The following SLC26A7 variants were observed in gnomAD, a reference collection of about 807,000 sequenced individuals.
The protein encoded by SLC26A7 is anion exchange transporter.
SLC26A7 carries 59 observed loss-of-function variants against 82.5 expected under a neutral mutation model. That is an observed-to-expected ratio of 0.72 (90% CI 0.58 to 0.89). SLC26A7 has a LOEUF of 0.89. Among genes scored for constraint, SLC26A7 ranks in the 40% least tolerant of loss-of-function variants. The pLI, the probability that SLC26A7 is intolerant of heterozygous loss-of-function variation, is 0.00. For synonymous variants in SLC26A7, 271 were observed against 274.3 expected (o/e 0.99, Z 0.12); for missense variants, 820 against 793.0 (o/e 1.03, Z -0.41).
Position 91,219,626 on chromosome 8 carries a change from T to C in SLC26A7, c.-34+621T>C, listed in dbSNP as rs372834769. ...TAAGGACAACAGAAAAGTAGAAAAA[T>C]AAGTTATGAAAATATGTGGTGTGCT... On this transcript the variant is annotated intron_variant, in intron 2 of 5. Transcript: ENST00000522862. Among the ~76,000 whole-genome samples the C allele has an allele frequency of 8.5e-5, 13 of 152,068 alleles. No individual in the cohort carries two copies. In the East Asian group the frequency reaches 2.5e-3, roughly 29 times the overall value.
chr8:91,250,656 T>G (rs540164725), intron 2 of SLC26A7, among the ~76,000 whole-genome samples: 197 of 152,262 alleles, frequency 1.3e-3, no homozygotes, highest in African/African-American at 4.7e-3. Context: ...TAGAGCAGTT[T>G]CCTTGGCATA....
chr8:91,380,674 G>A (rs746697723), intron 15 of SLC26A7, among the ~76,000 whole-genome samples: 5 of 152,096 alleles, frequency 3.3e-5, no homozygotes, highest in Non-Finnish European at 5.9e-5. Context: ...GGAGCATTTC[G>A]GATTTTGCAT....
intron 4 of SLC26A7, among the ~76,000 whole-genome samples, chr8:91,297,937 G>A (rs1159932444): frequency 6.6e-6 from 1 of 152,100 alleles, no homozygotes; most frequent in African/African-American, 2.4e-5. Flanking sequence ...TAATAAGATT[G>A]TATTGTTAAA....
At chr8:91,381,766 C>T (rs1484684133) in intron 15 of SLC26A7, among the ~76,000 whole-genome samples, 1 of 152,110 alleles carries the variant, frequency 6.6e-6, no homozygotes, top group Non-Finnish European at 1.5e-5. Context: ...CTCTCTTGTT[C>T]AAGTAACGCC....
chr8:91,381,990 A>G (rs936702277), intron 15 of SLC26A7, among the ~76,000 whole-genome samples: 10 of 152,084 alleles, frequency 6.6e-5, no homozygotes, highest in African/African-American at 2.4e-4. Flanking sequence ...GCTTTGTTGT[A>G]TTCTATAGAT....
At chr8:91,297,252 AT>A (rs1343568298) in intron 4 of SLC26A7, among the ~76,000 whole-genome samples, 2 of 152,072 alleles carry the variant, frequency 1.3e-5, no homozygotes, top group East Asian at 1.9e-4. Flanking sequence ...AAGAGTATAC[AT>A]AATTAGCGGT....
At chr8:91,365,528 G>C (rs62528970) in intron 13 of SLC26A7, among the ~76,000 whole-genome samples, 46,027 of 151,926 alleles carry the variant, frequency 0.3, 8,706 homozygotes, top group East Asian at 0.41. Context: ...GTTTCTAAGA[G>C]GTTTACTCTT....
At position 91,240,026 on chromosome 8, in the gene SLC26A7, T is replaced by C. The variant is rs576882187; in HGVS notation, c.-33-9593T>C. 3.9e-4 allele frequency among the ~76,000 whole-genome samples: 59 copies of C among 152,258 alleles called. 1 individual carries two copies. The highest frequency in any genetic ancestry group is 1.3e-3 in the African/African-American group (52 of 41,548). ...CTAACAACTAACATCTATCAGCACC[T>C]CTCCTGTGTGCCAAGCATTGTCCTT... On this transcript the variant is annotated intron_variant, in intron 2 of 5. Transcript: ENST00000522862.
At chr8:91,355,146 G>C (rs1813827016) in intron 11 of SLC26A7, among the ~76,000 whole-genome samples, 1 of 152,012 alleles carries the variant, frequency 6.6e-6, no homozygotes, top group South Asian at 2.1e-4. Context: ...GAAATCACAG[G>C]TCAACGTAAT....
rs973934791 is a variant in SLC26A7, at chr8:91,395,967, G to A, written c.*870G>A. 4 of 152,014 alleles carry A rather than the reference G, an allele frequency of 2.6e-5. No individual in the cohort carries two copies. Among genetic ancestry groups the A allele is most frequent in the African/African-American group, 9.7e-5 (4 of 41,410 alleles). 9.4% of individuals were successfully genotyped at this position (152,014 alleles called of 1,614,324 possible). On this transcript the variant is annotated 3_prime_UTR_variant, in exon 19 of 19. Coordinates refer to ENST00000276609, the MANE Select transcript of SLC26A7 (RefSeq NM_052832.4). The stretch of plus-strand genomic sequence containing the variant: ...GTGCTATTCCAGTATAAGATGAACT[G>A]TAATAATTTTTGACTTCCCTATTTC...
intron 9 of SLC26A7, among the ~76,000 whole-genome samples, chr8:91,347,697 GAAC>G (rs1813602304): frequency 6.6e-6 from 1 of 152,082 alleles, no homozygotes; most frequent in South Asian, 2.1e-4. Flanking sequence ...GTTTGGATTG[GAAC>G]AACAAGAGTT....
chr8:91,291,549 A>G (rs1273709854), intron 3 of SLC26A7, among the ~76,000 whole-genome samples: 1 of 152,242 alleles, frequency 6.6e-6, no homozygotes, highest in African/African-American at 2.4e-5. Flanking sequence ...GTTAAACCCA[A>G]GATAAAAGAA....
chr8:91,359,169 TGTCAAAAGA>T (rs1408631573), intron 11 of SLC26A7, among the ~76,000 whole-genome samples: 5 of 152,210 alleles, frequency 3.3e-5, no homozygotes, highest in African/African-American at 1.2e-4. Flanking sequence ...AGTAGGACAC[TGTCAAAAGA>T]GTTGAGGAAA....
intron 7 of SLC26A7, among the ~76,000 whole-genome samples, chr8:91,338,990 A>C (rs1363328310): frequency 6.6e-6 from 1 of 152,178 alleles, no homozygotes; most frequent in African/African-American, 2.4e-5. Flanking sequence ...AACAGTAGAA[A>C]AATTCTCAGG....
At chr8:91,236,567 TAA>T (rs34866045) in intron 2 of SLC26A7, among the ~76,000 whole-genome samples, 3 of 150,378 alleles carry the variant, frequency 2.0e-5, no homozygotes, top group Admixed American at 1.3e-4. Flanking sequence ...TCTGTGCAGA[TAA>T]AAAAAAAACT....
intron 2 of SLC26A7, among the ~76,000 whole-genome samples, chr8:91,283,539 C>T (rs1034265907): frequency 1.3e-5 from 2 of 152,086 alleles, no homozygotes; most frequent in Non-Finnish European, 1.5e-5. Flanking sequence ...TCTTTTCTTT[C>T]GGTCTTCTTG....
At chr8:91,215,717 T>C (rs1810033023) in intron 1 of SLC26A7, among the ~76,000 whole-genome samples, 1 of 152,178 alleles carries the variant, frequency 6.6e-6, no homozygotes, top group African/African-American at 2.4e-5. Context: ...AGAAAGGATA[T>C]TTCATTGAGT....
chr8:91,298,015 A>C (rs1243418674), intron 4 of SLC26A7, among the ~76,000 whole-genome samples: 8 of 152,100 alleles, frequency 5.3e-5, no homozygotes, highest in Admixed American at 5.2e-4. Flanking sequence ...GGAACAGAGA[A>C]CCCTCCTATC....
intron 3 of SLC26A7, among the ~76,000 whole-genome samples, chr8:91,292,285 G>A (rs1449596714): frequency 6.7e-6 from 1 of 150,180 alleles, no homozygotes; most frequent in African/African-American, 2.5e-5. Flanking sequence ...CAGCCTGGGC[G>A]AGAGTGCGAG....
Sources: allele counts gnomAD v4.1 joint callset (sites outside exome capture counted in the v4.1 genomes callset), GRCh38; gene constraint gnomAD v4.1.1; transcripts MANE v1.5; gene names NCBI Gene and HGNC (gene_info 2026-07-23, HGNC 2026-07-21).